Variants in SLC4A10 observed in about 807,000 individuals in gnomAD.
SLC4A10 encodes the protein solute carrier family 4 member 10, also known as sodium-driven chloride bicarbonate exchanger.
A neutral mutation model predicts 137.7 loss-of-function variants in SLC4A10; 42 were observed. The ratio of observed to expected loss-of-function variants is 0.30; its 90% confidence interval spans 0.24 to 0.39. The LOEUF (loss-of-function observed/expected upper bound fraction) is 0.39, where lower values mean the gene tolerates loss of function less well. Ranked by LOEUF, SLC4A10 falls within the 10% of genes least tolerant of loss-of-function variation. The pLI is 1.00. For synonymous variants in SLC4A10, 474 were observed against 464.1 expected (o/e 1.02, Z -0.27); for missense variants, 925 against 1,355.0 (o/e 0.68, Z 4.98).
At chr2:161,781,694 T>C (rs1242002084) in intron 2 of SLC4A10, among the ~76,000 whole-genome samples, 2 of 151,936 alleles carry the variant, frequency 1.3e-5, no homozygotes, top group Non-Finnish European at 2.9e-5. Flanking sequence ...AAGACTGATG[T>C]CACCAAAGTG....
chr2:161,769,879 T>C (rs2051355328), intron 1 of SLC4A10, among the ~76,000 whole-genome samples: 1 of 151,910 alleles, frequency 6.6e-6, no homozygotes, highest in Admixed American at 6.6e-5. Context: ...TGGCACTCTG[T>C]CAAAAGATTT....
At chr2:161,707,532 G>A (rs1018532968) in intron 1 of SLC4A10, among the ~76,000 whole-genome samples, 1 of 150,706 alleles carries the variant, frequency 6.6e-6, no homozygotes, top group Admixed American at 6.6e-5. Context: ...TAAAGAGAAA[G>A]CATTTCCAAT....
At chr2:161,655,652 A>T (rs2037410191) in intron 1 of SLC4A10, among the ~76,000 whole-genome samples, 1 of 152,186 alleles carries the variant, frequency 6.6e-6, no homozygotes. Flanking sequence ...CAAAAAACAG[A>T]AGAGGAGGGA....
At chr2:161,760,976 A>G (rs2050196725) in intron 1 of SLC4A10, among the ~76,000 whole-genome samples, 1 of 152,060 alleles carries the variant, frequency 6.6e-6, no homozygotes, top group East Asian at 1.9e-4. Context: ...GCCATATAAA[A>G]GAAGGAAATC....
chr2:161,685,651 GAA>G (rs1216928736), intron 1 of SLC4A10, among the ~76,000 whole-genome samples: 1 of 151,182 alleles, frequency 6.6e-6, no homozygotes, highest in Non-Finnish European at 1.5e-5. Context: ...AAAAAACAAA[GAA>G]ATTGAGGTTT....
chr2:161,894,634 A>G (rs772553688), intron 10 of SLC4A10, 45 bp from the exon 11 acceptor site: 67 of 1,067,962 alleles, frequency 6.3e-5, no homozygotes, highest in Non-Finnish European at 7.6e-5. Context: ...TTAATATTTT[A>G]TAATTATTTT....
At chr2:161,651,101 A>C (rs532513179) in intron 1 of SLC4A10, 12 of 152,782 alleles carry the variant, frequency 7.9e-5, no homozygotes, top group African/African-American at 2.9e-4. Flanking sequence ...TTCTGAGCCC[A>C]TAACCCCACC....
At chr2:161,732,482 G>T (rs190381508) in intron 1 of SLC4A10, among the ~76,000 whole-genome samples, 132 of 152,306 alleles carry the variant, frequency 8.7e-4, no homozygotes, top group Middle Eastern at 3.4e-3. Context: ...TACAGTAAAA[G>T]AATGTACAAC....
chr2:161,650,211 A>T (rs2036596017), intron 1 of SLC4A10, among the ~76,000 whole-genome samples: 1 of 152,056 alleles, frequency 6.6e-6, no homozygotes. Context: ...CTGGTCAGAT[A>T]TGTTGTAGAA....
At chr2:161,756,398 G>T (rs1280120275) in intron 1 of SLC4A10, among the ~76,000 whole-genome samples, 1 of 152,138 alleles carries the variant, frequency 6.6e-6, no homozygotes. Flanking sequence ...ATATGACAAT[G>T]TTTGTTTTCT....
intron 1 of SLC4A10, among the ~76,000 whole-genome samples, chr2:161,707,667 C>G (rs183615672): frequency 6.6e-6 from 1 of 151,292 alleles, no homozygotes; most frequent in Admixed American, 6.6e-5. Context: ...CAGTGAAAAT[C>G]CATAGTAAAA....
intron 1 of SLC4A10, among the ~76,000 whole-genome samples, chr2:161,729,494 A>T (rs1574617471): frequency 6.6e-6 from 1 of 152,212 alleles, no homozygotes; most frequent in African/African-American, 2.4e-5. Flanking sequence ...GATAAAACTT[A>T]TAGAAATATA....
At chr2:161,877,059 ATG>A (rs933584357) in intron 8 of SLC4A10, among the ~76,000 whole-genome samples, 1 of 152,048 alleles carries the variant, frequency 6.6e-6, no homozygotes, top group Non-Finnish European at 1.5e-5. Context: ...TAAAGATCAT[ATG>A]TAATGACCAT....
At chr2:161,954,605 T>G (rs1439693532) in intron 19 of SLC4A10, among the ~76,000 whole-genome samples, 1 of 152,202 alleles carries the variant, frequency 6.6e-6, no homozygotes, top group Non-Finnish European at 1.5e-5. Flanking sequence ...ACATTTTAAA[T>G]GAAAGGCAAG....
chr2:161,676,697 T>C (rs1232733339), intron 1 of SLC4A10, among the ~76,000 whole-genome samples: 2 of 152,188 alleles, frequency 1.3e-5, no homozygotes, highest in African/African-American at 4.8e-5. Flanking sequence ...TATCTATATG[T>C]TGAAAAGAAT....
At chr2:161,937,958 A>G (rs1316006952) in intron 15 of SLC4A10, among the ~76,000 whole-genome samples, 1 of 151,734 alleles carries the variant, frequency 6.6e-6, no homozygotes, top group African/African-American at 2.4e-5. Flanking sequence ...CCTGTTGACT[A>G]AAGAAAAAAA....
chr2:161,783,207 A>G (rs1451479337), intron 2 of SLC4A10, among the ~76,000 whole-genome samples: 1 of 152,022 alleles, frequency 6.6e-6, no homozygotes, highest in Admixed American at 6.6e-5. Flanking sequence ...GAAAAAGCCA[A>G]CCAGGAAACC....
intron 3 of SLC4A10, among the ~76,000 whole-genome samples, chr2:161,829,420 GGAA>G (rs1207322763): frequency 3.9e-5 from 6 of 152,098 alleles, no homozygotes; most frequent in Admixed American, 6.6e-5. Flanking sequence ...AATAAATCTA[GGAA>G]GAAATCAGCC....
At chr2:161,780,781 T>C (rs972489084) in intron 2 of SLC4A10, among the ~76,000 whole-genome samples, 1 of 152,022 alleles carries the variant, frequency 6.6e-6, no homozygotes, top group Non-Finnish European at 1.5e-5. Context: ...TCTTCCAAAT[T>C]AAGCTTGAGC....
Sources: gnomAD v4.1 joint callset for allele counts (sites outside exome capture counted in the v4.1 genomes callset) on GRCh38, gnomAD v4.1.1 for gene constraint, MANE v1.5 for transcripts, NCBI Gene and HGNC (gene_info 2026-07-23, HGNC 2026-07-21) for gene names.